SAMMSON: variants seen among roughly 807,000 people sequenced by gnomAD.
The protein encoded by SAMMSON is survival associated mitochondrial melanoma specific oncogenic non-coding RNA, also known as long intergenic non-protein coding RNA 1212.
At chr3:70,311,139 G>A (rs1184549438) in intron 7 of SAMMSON, among the ~76,000 whole-genome samples, 1 of 152,084 alleles carries the variant, frequency 6.6e-6, no homozygotes, top group Admixed American at 6.6e-5. Context: ...CAATTTTTAA[G>A]AATGTCAACT....
intron 7 of SAMMSON, among the ~76,000 whole-genome samples, chr3:70,350,438 A>G (rs919756444): frequency 3.9e-5 from 6 of 152,116 alleles, no homozygotes; most frequent in African/African-American, 1.4e-4. Context: ...TGGTATCTAA[A>G]ATCTGAGTTT....
chr3:70,332,041 C>G (rs769323535), intron 7 of SAMMSON, among the ~76,000 whole-genome samples: 6 of 152,160 alleles, frequency 3.9e-5, no homozygotes, highest in Non-Finnish European at 8.8e-5. Context: ...ATGGAAACCG[C>G]CATTGTTTAG....
chr3:70,045,054 T>A (rs1436740745), intron 3 of SAMMSON, among the ~76,000 whole-genome samples: 1 of 112,388 alleles, frequency 8.9e-6, no homozygotes, highest in East Asian at 2.4e-4. Context: ...TATATATAAT[T>A]AATTATAATA....
In SAMMSON at chr3:70,324,211, T is replaced by C. The variant is rs572702093; in HGVS notation, n.740-29964T>C. ...TCTATCTATCTATCATCTATCTATC[T>C]ATCCACACACACAGAAAGAGAGAGA... On this transcript the variant is annotated intron_variant and non_coding_transcript_variant, in intron 7 of 9. Transcript: ENST00000642114. Among the ~76,000 whole-genome samples the C allele has an allele frequency of 1.3e-5, 2 of 150,454 alleles. 1 individual carries two copies. The highest frequency in any genetic ancestry group is 4.9e-5 in the African/African-American group (2 of 40,948).
intron 4 of SAMMSON, among the ~76,000 whole-genome samples, chr3:70,245,080 G>T (rs772234209): frequency 3.3e-5 from 5 of 152,126 alleles, no homozygotes; most frequent in African/African-American, 1.2e-4. Context: ...TTTTGAAGAG[G>T]AGAAGTCATT....
At chr3:70,398,500 A>G (rs1406481025) in intron 2 of SAMMSON, among the ~76,000 whole-genome samples, 1 of 152,192 alleles carries the variant, frequency 6.6e-6, no homozygotes, top group Non-Finnish European at 1.5e-5. Flanking sequence ...TCTTATTACT[A>G]ATTTTGTTCT....
chr3:70,341,608 A>C (rs67083216), intron 7 of SAMMSON, among the ~76,000 whole-genome samples: 13,428 of 152,172 alleles, frequency 0.088, 836 homozygotes, highest in East Asian at 0.35. Flanking sequence ...TTATATAAGA[A>C]GACAAAACCT....
At chr3:70,093,774 CAG>C (rs2067313666) in intron 4 of SAMMSON, among the ~76,000 whole-genome samples, 1 of 152,120 alleles carries the variant, frequency 6.6e-6, no homozygotes, top group African/African-American at 2.4e-5. Context: ...AACTGAGACT[CAG>C]AAATACTTCT....
At chr3:70,227,245 G>A (rs1701516709) in intron 4 of SAMMSON, among the ~76,000 whole-genome samples, 1 of 152,168 alleles carries the variant, frequency 6.6e-6, no homozygotes, top group Non-Finnish European at 1.5e-5. Context: ...TTATCTCACT[G>A]TTCTTTTTAA....
At chr3:70,014,352 C>T (rs760987100) in intron 3 of SAMMSON, 4 of 152,020 alleles carry the variant, frequency 2.6e-5, no homozygotes, top group African/African-American at 4.8e-5. Flanking sequence ...GGCAACTGAC[C>T]GAAGGAGGAA....
intron 7 of SAMMSON, among the ~76,000 whole-genome samples, chr3:70,316,997 G>A (rs1313825326): frequency 6.6e-6 from 1 of 152,024 alleles, no homozygotes; most frequent in Non-Finnish European, 1.5e-5. Context: ...TAGGTGGTGT[G>A]TTACGGATAT....
intron 9 of SAMMSON, among the ~76,000 whole-genome samples, chr3:70,363,286 C>T (rs573114057): frequency 9.9e-5 from 15 of 152,026 alleles, no homozygotes; most frequent in Non-Finnish European, 2.1e-4. Flanking sequence ...AGGATGCCCA[C>T]TTTCACCACT....
chr3:70,093,536 G>T (rs997496775), intron 4 of SAMMSON, among the ~76,000 whole-genome samples: 2 of 152,186 alleles, frequency 1.3e-5, no homozygotes, highest in Admixed American at 6.6e-5. Context: ...CTGAATTAAA[G>T]AAACTGTCTT....
intron 4 of SAMMSON, among the ~76,000 whole-genome samples, chr3:70,133,327 A>G (rs899086623): frequency 1.8e-4 from 28 of 152,214 alleles, no homozygotes; most frequent in Non-Finnish European, 3.5e-4. Context: ...GACAGGGTTC[A>G]GAGAGCTTCC....
At chr3:70,069,662 T>A (rs2067223041) in intron 3 of SAMMSON, 1 of 152,060 alleles carries the variant, frequency 6.6e-6, no homozygotes, top group African/African-American at 2.4e-5. Flanking sequence ...TGTTTAGGGC[T>A]TTACACTCAT....
At chr3:70,010,744 T>A (rs1273521224) in intron 1 of SAMMSON, among the ~76,000 whole-genome samples, 1 of 152,156 alleles carries the variant, frequency 6.6e-6, no homozygotes, top group East Asian at 1.9e-4. Context: ...AGAGGCTTAA[T>A]TGACTCACAG....
At chr3:70,268,206 C>G (rs905204305) in intron 6 of SAMMSON, among the ~76,000 whole-genome samples, 4 of 152,148 alleles carry the variant, frequency 2.6e-5, no homozygotes, top group African/African-American at 9.7e-5. Context: ...CGCGGTAGCT[C>G]ACGCCTGTCA....
At chr3:70,163,935 C>T (rs1165526000) in intron 4 of SAMMSON, among the ~76,000 whole-genome samples, 1 of 151,932 alleles carries the variant, frequency 6.6e-6, no homozygotes, top group Non-Finnish European at 1.5e-5. Context: ...AGGTAATTGC[C>T]TTGTATAGTT....
chr3:70,286,339 TG>T (rs1169252145), intron 6 of SAMMSON, among the ~76,000 whole-genome samples: 6 of 152,210 alleles, frequency 3.9e-5, no homozygotes, highest in African/African-American at 1.4e-4. Flanking sequence ...TTCTTGTTTT[TG>T]TCAGGTTTGT....
Sources: allele counts gnomAD v4.1 joint callset (sites outside exome capture counted in the v4.1 genomes callset), GRCh38; gene constraint gnomAD v4.1.1; transcripts MANE v1.5; gene names NCBI Gene and HGNC (gene_info 2026-07-23, HGNC 2026-07-21).